PPP2R5C: variants seen among roughly 807,000 people sequenced by gnomAD.
The protein encoded by PPP2R5C is serine/threonine-protein phosphatase 2A 56 kDa regulatory subunit gamma isoform.
Under a neutral mutation model 68.9 loss-of-function variants are expected in PPP2R5C, and 7 were observed. The ratio of observed to expected loss-of-function variants is 0.10; its 90% CI spans 0.06 to 0.19. The LOEUF (loss-of-function observed/expected upper bound fraction) is 0.19. Ranked by LOEUF, PPP2R5C falls within the 10% of genes least tolerant of loss-of-function variation. PPP2R5C has a pLI of 1.00. For synonymous variants in PPP2R5C, 210 were observed against 222.2 expected, an observed-to-expected ratio of 0.95 and a Z score of 0.49; for missense variants, 348 against 641.3, an observed-to-expected ratio of 0.54 and a Z score of 4.94.
intron 1 of PPP2R5C, among the ~76,000 whole-genome samples, chr14:101,816,908 AT>A (rs1467678470): frequency 2.2e-5 from 2 of 89,704 alleles, no homozygotes; most frequent in Admixed American, 1.2e-4. Flanking sequence ...AAATATATAT[AT>A]AATATATATA....
At chr14:101,834,512 C>G (rs1201922719) in intron 1 of PPP2R5C, among the ~76,000 whole-genome samples, 1 of 152,214 alleles carries the variant, frequency 6.6e-6, no homozygotes, top group Non-Finnish European at 1.5e-5. Flanking sequence ...GGCAGCTGTT[C>G]CAGCAGAAAT....
chr14:101,789,411 G>C (rs1458310840), intron 3 of PPP2R5C, among the ~76,000 whole-genome samples: 1 of 152,202 alleles, frequency 6.6e-6, no homozygotes, highest in East Asian at 1.9e-4. Flanking sequence ...AGGCTGGTTG[G>C]CGCCATGCCA....
At chr14:101,816,713 A>G (rs986740902) in intron 1 of PPP2R5C, among the ~76,000 whole-genome samples, 4 of 151,780 alleles carry the variant, frequency 2.6e-5, no homozygotes, top group Non-Finnish European at 5.9e-5. Context: ...GCAACTTTAA[A>G]TGGTAAAGAG....
At chr14:101,788,165 C>G (rs2038205443) in intron 3 of PPP2R5C, among the ~76,000 whole-genome samples, 1 of 152,214 alleles carries the variant, frequency 6.6e-6, no homozygotes, top group South Asian at 2.1e-4. Context: ...AGCCCTGCCC[C>G]TAATGCCCAT....
At chr14:101,787,509 A>G (rs1173928234) in intron 3 of PPP2R5C, among the ~76,000 whole-genome samples, 1 of 152,020 alleles carries the variant, frequency 6.6e-6, no homozygotes, top group Non-Finnish European at 1.5e-5. Context: ...CATGCCTGTA[A>G]TCCCAGCACT....
At chr14:101,911,525 G>T (rs1340594709) in intron 11 of PPP2R5C, among the ~76,000 whole-genome samples, 1 of 152,096 alleles carries the variant, frequency 6.6e-6, no homozygotes, top group Admixed American at 6.6e-5. Context: ...TCCTCCTCTC[G>T]TGGAATCCCA....
intron 3 of PPP2R5C, among the ~76,000 whole-genome samples, chr14:101,799,960 T>G (rs2038788124): frequency 6.6e-6 from 1 of 152,250 alleles, no homozygotes; most frequent in South Asian, 2.1e-4. Context: ...TATATCTCTT[T>G]TTAAAAATTA....
intron 2 of PPP2R5C, among the ~76,000 whole-genome samples, chr14:101,779,809 G>A (rs1227758844): frequency 6.6e-6 from 1 of 152,154 alleles, no homozygotes; most frequent in East Asian, 1.9e-4. Context: ...AGGCAGCTGT[G>A]CTCACCACTG....
At position 101,925,026 on chromosome 14, in the gene PPP2R5C, G is replaced by A. The variant is rs1408702402; in HGVS notation, c.1444-115G>A. On this transcript the variant is annotated intron_variant, in intron 13 of 13. Transcript: ENST00000334743. Reference sequence around the variant, plus strand: ...TTTCCCTGTGGCCAGGGTGCCGCCAGCGAGTGGGTGAGGCACACGTGCCTC... The same window carrying A: ...TTTCCCTGTGGCCAGGGTGCCGCCAACGAGTGGGTGAGGCACACGTGCCTC... 4.1e-6 allele frequency: 5 copies of A among 1,206,008 alleles called. No individual in the cohort carries two copies. In the Admixed American group the frequency reaches 6.3e-5, roughly 15 times the overall value. 74.7% of individuals were successfully genotyped at this position (1,206,008 alleles called of 1,614,324 possible).
chr14:101,799,517 T>G (rs1161160975), intron 3 of PPP2R5C, among the ~76,000 whole-genome samples: 6 of 152,180 alleles, frequency 3.9e-5, no homozygotes, highest in African/African-American at 1.4e-4. Flanking sequence ...CAGCTCTGTC[T>G]AGCCCCTCCC....
upstream of PPP2R5C, among the ~76,000 whole-genome samples, chr14:101,806,554 G>T (rs1202445157): frequency 6.6e-6 from 1 of 152,122 alleles, no homozygotes; most frequent in African/African-American, 2.4e-5. Flanking sequence ...ATTGTAAATA[G>T]TGGCACAATT....
chr14:101,807,810 C>T (rs966911535), upstream of PPP2R5C, among the ~76,000 whole-genome samples: 4 of 151,802 alleles, frequency 2.6e-5, no homozygotes, highest in Non-Finnish European at 4.4e-5. Flanking sequence ...AGGAAAAATA[C>T]ATCAAAAAGT....
At chr14:101,897,980 C>T (rs920196028) in intron 8 of PPP2R5C, among the ~76,000 whole-genome samples, 16 of 149,352 alleles carry the variant, frequency 1.1e-4, no homozygotes, top group Non-Finnish European at 4.4e-5. Flanking sequence ...CATAGTGAGA[C>T]CTCCTCTCTA....
At chr14:101,767,603 G>A (rs138457664) in intron 2 of PPP2R5C, among the ~76,000 whole-genome samples, 192 of 152,280 alleles carry the variant, frequency 1.3e-3, no homozygotes, top group African/African-American at 4.5e-3. Flanking sequence ...AGCTGAACTT[G>A]AGTGAAAGAG....
chr14:101,767,239 A>G (rs2036904881), intron 2 of PPP2R5C, among the ~76,000 whole-genome samples: 1 of 152,208 alleles, frequency 6.6e-6, no homozygotes, highest in African/African-American at 2.4e-5. Context: ...GATGGTCTAG[A>G]CCTAGGGAGA....
intron 1 of PPP2R5C, among the ~76,000 whole-genome samples, chr14:101,841,857 G>A (rs373508255): frequency 7.9e-5 from 12 of 152,182 alleles, no homozygotes; most frequent in African/African-American, 2.9e-4. Context: ...CTCACAGGCT[G>A]CCCTAGGCTT....
intron 13 of PPP2R5C, among the ~76,000 whole-genome samples, chr14:101,923,921 C>T (rs1237275401): frequency 2.6e-5 from 3 of 114,200 alleles, no homozygotes; most frequent in East Asian, 2.0e-4. Flanking sequence ...TTTACGCTTA[C>T]GTTCTTTTTG....
intron 9 of PPP2R5C, among the ~76,000 whole-genome samples, chr14:101,903,183 C>G (rs186446050): frequency 1.6e-3 from 246 of 152,200 alleles, no homozygotes; most frequent in Non-Finnish European, 3.0e-3. Flanking sequence ...CAAGGAGAGA[C>G]TGGCAGTCGT....
chr14:101,901,844 C>T, exon 9 of PPP2R5C: 2 of 1,614,196 alleles, frequency 1.2e-6, no homozygotes, highest in Non-Finnish European at 1.7e-6. Flanking sequence ...TCATGGAACC[C>T]CTCTTCCGGC....
Sources: allele counts gnomAD v4.1 joint callset (sites outside exome capture counted in the v4.1 genomes callset), GRCh38; gene constraint gnomAD v4.1.1; transcripts MANE v1.5; gene names NCBI Gene and HGNC (gene_info 2026-07-23, HGNC 2026-07-21).